The following RMND1 variants were observed in gnomAD, a reference collection of about 807,000 sequenced individuals.
RMND1 encodes the protein required for meiotic nuclear division 1 homolog.
Under a neutral mutation model 54.0 loss-of-function variants are expected in RMND1, and 41 were observed. The ratio of observed to expected loss-of-function variants is 0.76; its 90% CI spans 0.59 to 0.98. RMND1 has a LOEUF of 0.98. Ranked by LOEUF, RMND1 falls within the 50% of genes least tolerant of loss-of-function variation. The probability of loss-of-function intolerance (pLI) is 0.00; values close to 1 mark genes in which losing one functional copy is unlikely to be tolerated. For missense variants in RMND1, 457 were observed against 532.0 expected (o/e 0.86, Z 1.39); for synonymous variants, 183 against 181.7 (o/e 1.01, Z -0.06).
chr6:151,444,795 T>C (rs1241141209), intron 2 of RMND1, among the ~76,000 whole-genome samples: 2 of 152,028 alleles, frequency 1.3e-5, no homozygotes, highest in Non-Finnish European at 2.9e-5. Flanking sequence ...TAAGGATGAA[T>C]AAAAAATACC....
At chr6:151,433,333 T>TATAC (rs1310936486) in intron 3 of RMND1, 103 bp from the exon 4 acceptor site, 1 of 680,882 alleles carries the variant, frequency 1.5e-6, no homozygotes, top group African/African-American at 1.8e-5. Flanking sequence ...CATTTCTTTA[T>TATAC]ATACCATGGA....
intron 9 of RMND1, among the ~76,000 whole-genome samples, chr6:151,420,531 G>T (rs923285866): frequency 3.3e-5 from 5 of 152,082 alleles, no homozygotes; most frequent in Non-Finnish European, 7.4e-5. Flanking sequence ...ACAACTACAA[G>T]AATAATAAAA....
At chr6:151,430,087 C>T in intron 5 of RMND1, 51 bp downstream of exon 5, 1 of 1,194,270 alleles carries the variant, frequency 8.4e-7, no homozygotes, top group Non-Finnish European at 1.2e-6. Flanking sequence ...ATTAACAATT[C>T]ATTCTCACAA....
chr6:151,412,824 C>T (rs1184195958), intron 10 of RMND1, among the ~76,000 whole-genome samples: 1 of 152,104 alleles, frequency 6.6e-6, no homozygotes. Context: ...TTTTAAACAA[C>T]CTCACGAGAA....
At chr6:151,417,447 C>T in intron 9 of RMND1, 48 bp from the exon 10 acceptor site, 1 of 1,418,328 alleles carries the variant, frequency 7.1e-7, no homozygotes, top group Non-Finnish European at 9.6e-7. Flanking sequence ...AATTAAAAAT[C>T]ATTGTTTCTA....
chr6:151,430,129 T>C lies in RMND1; in HGVS notation c.729+9A>G. 1 of 1,579,586 alleles carries C rather than the reference T, an allele frequency of 6.3e-7. No individual in the cohort carries two copies. Among genetic ancestry groups the C allele is most frequent in the Non-Finnish European group, 8.7e-7 (1 of 1,153,398 alleles). On this transcript the variant is annotated intron_variant, in intron 5 of 11. Transcript: ENST00000444024. ...ATTTTTATATTTTCACATTTTTATT[T>C]ACACTTACAGTTTTGTCTTTCACAT...
At chr6:151,410,301 C>T (rs1042655652) in intron 10 of RMND1, among the ~76,000 whole-genome samples, 8 of 152,110 alleles carry the variant, frequency 5.3e-5, no homozygotes, top group Non-Finnish European at 1.2e-4. Flanking sequence ...GTGATCCGCC[C>T]TCCTTGGCCT....
intron 10 of RMND1, among the ~76,000 whole-genome samples, chr6:151,416,103 C>CGA (rs1478447014): frequency 6.6e-6 from 1 of 151,796 alleles, no homozygotes; most frequent in Non-Finnish European, 1.5e-5. Context: ...CTCAGCCTCC[C>CGA]GAGTAGCTGG....
chr6:151,441,103 T>C (rs1022454463), intron 2 of RMND1, among the ~76,000 whole-genome samples: 3 of 152,216 alleles, frequency 2.0e-5, no homozygotes, highest in African/African-American at 7.2e-5. Flanking sequence ...ATGTTTTGTT[T>C]TTCTGGCCAA....
In RMND1 at chr6:151,426,792, G is replaced by A. The variant is rs1001819962; in HGVS notation, c.830+690C>T. On this transcript the variant is annotated intron_variant, in intron 6 of 11. Transcript: ENST00000444024. ...TCTTTTTCCTCTTTTTTTTTGAGAC[G>A]GAGTTTCACTCTTGTCACCCTGGCT... is the stretch of plus-strand genomic sequence containing the variant. Among the ~76,000 whole-genome samples the A allele has an allele frequency of 7.9e-5, 12 of 151,214 alleles. No individual in the cohort carries two copies. In the East Asian group the frequency reaches 1.4e-3, roughly 17 times the overall value.
At chr6:151,450,778 A>G (rs77222486) in intron 1 of RMND1, among the ~76,000 whole-genome samples, 29,657 of 151,898 alleles carry the variant, frequency 0.2, 3,121 homozygotes, top group East Asian at 0.39. Context: ...AGGGGGGGAA[A>G]AGATTGAGAA....
At chr6:151,439,286 C>T (rs1466708924) in intron 2 of RMND1, among the ~76,000 whole-genome samples, 1 of 152,184 alleles carries the variant, frequency 6.6e-6, no homozygotes, top group Non-Finnish European at 1.5e-5. Context: ...AAGTTTTATA[C>T]ATCAAAAAGC....
intron 8 of RMND1, among the ~76,000 whole-genome samples, chr6:151,422,139 A>G (rs762617093): frequency 5.9e-5 from 9 of 152,206 alleles, no homozygotes; most frequent in Admixed American, 1.3e-4. Flanking sequence ...TCGGCCCTCT[A>G]TAAGTTCTGC....
At chr6:151,414,600 A>G (rs1314991929) in intron 10 of RMND1, among the ~76,000 whole-genome samples, 1 of 152,214 alleles carries the variant, frequency 6.6e-6, no homozygotes. Flanking sequence ...AAGAAACAGA[A>G]GATACAAATA....
rs530964488 is a variant in RMND1, at chr6:151,438,626, CCAT to C, written c.505-2075_505-2073del. On this transcript the variant is annotated intron_variant, in intron 2 of 11. Coordinates refer to ENST00000444024, the MANE Select transcript of RMND1 (RefSeq NM_017909.4). ...GAGATTTCACACAAAATCCAGATTT[CCAT>C]CATCATCTGACCGAGTGGAAGATCT... Among the ~76,000 whole-genome samples, 122 of 152,214 alleles carry C rather than the reference CCAT, an allele frequency of 8.0e-4. 1 individual carries two copies. Among genetic ancestry groups the C allele is most frequent in the African/African-American group, 2.8e-3 (117 of 41,532 alleles).
chr6:151,443,692 T>C (rs1408405097), intron 2 of RMND1, among the ~76,000 whole-genome samples: 1 of 152,204 alleles, frequency 6.6e-6, no homozygotes, highest in South Asian at 2.1e-4. Flanking sequence ...ACTGAAGTCA[T>C]TGTCTATCAT....
At chr6:151,430,933 T>TGTGGGTCCATGCTTAGTATTTGTGATA (rs1780432247) in intron 4 of RMND1, among the ~76,000 whole-genome samples, 1 of 151,066 alleles carries the variant, frequency 6.6e-6, no homozygotes, top group African/African-American at 2.5e-5. Flanking sequence ...TTAGTATATG[T>TGTGGGTCCATGCTTAGTATTTGTGATA]GTGGGTCCAT....
At chr6:151,415,988 G>GTT (rs11434887) in intron 10 of RMND1, among the ~76,000 whole-genome samples, 10 of 151,146 alleles carry the variant, frequency 6.6e-5, no homozygotes, top group Non-Finnish European at 1.2e-4. Flanking sequence ...TTTTTGTTTT[G>GTT]TTTTTTTTGA....
intron 10 of RMND1, among the ~76,000 whole-genome samples, chr6:151,409,620 T>C (rs1779744052): frequency 6.6e-6 from 1 of 152,220 alleles, no homozygotes; most frequent in Admixed American, 6.5e-5. Flanking sequence ...CTCATGGGGC[T>C]TACATTCTAG....
Sources: allele counts gnomAD v4.1 joint callset (sites outside exome capture counted in the v4.1 genomes callset), GRCh38; gene constraint gnomAD v4.1.1; transcripts MANE v1.5; gene names NCBI Gene and HGNC (gene_info 2026-07-23, HGNC 2026-07-21).